Variants in INCENP observed in about 807,000 individuals in gnomAD.
The protein encoded by INCENP is inner centromere protein, also known as binds and activates aurora-B and -C in vivo and in vitro.
Under a neutral mutation model 107.3 loss-of-function variants are expected in INCENP, and 43 were observed. That is an observed-to-expected ratio of 0.40 (90% CI 0.31 to 0.52). The LOEUF is 0.52. Ranked by LOEUF, INCENP falls within the 20% of genes least tolerant of loss-of-function variation. The probability of loss-of-function intolerance (pLI) is 0.53; values close to 1 mark genes in which losing one functional copy is unlikely to be tolerated. For missense variants in INCENP, 1,089 were observed against 1,250.9 expected (o/e 0.87, Z 1.95); for synonymous variants, 488 against 494.4 (o/e 0.99, Z 0.17).
intron 4 of INCENP, among the ~76,000 whole-genome samples, chr11:62,132,663 A>G (rs1047571114): frequency 6.6e-6 from 1 of 152,206 alleles, no homozygotes; most frequent in African/African-American, 2.4e-5. Context: ...TGGAGCAGAC[A>G]TCCAGATCTG....
chr11:62,132,438 G>A (rs968658166), intron 4 of INCENP, among the ~76,000 whole-genome samples: 1 of 152,224 alleles, frequency 6.6e-6, no homozygotes, highest in Admixed American at 6.5e-5. Flanking sequence ...CCTGCTCCAG[G>A]GTTTGGGGTG....
chr11:62,129,703 A>G (rs2134616072), intron 3 of INCENP, 79 bp from the exon 4 acceptor site: 1 of 1,194,496 alleles, frequency 8.4e-7, no homozygotes, highest in Non-Finnish European at 1.2e-6. Context: ...TACTCTATCC[A>G]AGCTGGTGGC....
chr11:62,125,277 C>T (rs990108282), intron 1 of INCENP, among the ~76,000 whole-genome samples: 3 of 152,226 alleles, frequency 2.0e-5, no homozygotes, highest in South Asian at 2.1e-4. Flanking sequence ...AAGCAAACCT[C>T]CCCGTGAAAG....
intron 5 of INCENP, 46 bp from the exon 6 acceptor site, chr11:62,138,667 T>G (rs754745335): frequency 6.3e-7 from 1 of 1,584,670 alleles, no homozygotes; most frequent in South Asian, 1.1e-5. Context: ...GGGGGAGGGC[T>G]TGGACTAGCT....
chr11:62,145,276 A>G lies in INCENP; in HGVS notation c.1823A>G (p.Glu608Gly), dbSNP rs756014454. Residue 608 changes from glutamate to glycine, a missense_variant, in exon 13 of 19, where the codon GAG (glutamate) becomes GGG (glycine). Transcript: ENST00000394818. ...GAGCAGAAGTTTGCTCAGATCGACGAGAAGACTGAGAAGGTGGGAGCCTGG... is the reference window on the plus strand; with the variant it reads ...GAGCAGAAGTTTGCTCAGATCGACGGGAAGACTGAGAAGGTGGGAGCCTGG... Reference protein sequence around the residue: ...QIEQKFAQIDEKTEKAKEERL... With the variant: ...QIEQKFAQIDGKTEKAKEERL... 2 of 1,614,012 alleles carry G rather than the reference A, an allele frequency of 1.2e-6. No homozygotes were observed. The highest frequency in any genetic ancestry group is 1.7e-6 in the Non-Finnish European group (2 of 1,180,028).
Position 62,128,211 on chromosome 11 carries a change from A to G in INCENP, c.50A>G (p.Gln17Arg), listed in dbSNP as rs1349675346. The G allele has an allele frequency of 6.2e-7, 1 of 1,614,180 alleles. No individual in the cohort carries two copies. The highest frequency in any genetic ancestry group is 1.7e-5 in the Admixed American group (1 of 60,022). ...GPIHLLELCD[Q>R]KLMEFLCNMD... Reference sequence around the variant, plus strand: ...ATTCACCTGCTGGAGCTATGTGACCAGAAGCTCATGGAGTTTCTCTGCAAC... The same window carrying G: ...ATTCACCTGCTGGAGCTATGTGACCGGAAGCTCATGGAGTTTCTCTGCAAC... Residue 17 changes from glutamine (Q) to arginine (R), a missense_variant, in exon 2 of 19, where the codon CAG (glutamine) becomes CGG (arginine). Physicochemically the swap from Gln to Arg is conservative, Grantham distance 43. Coordinates refer to ENST00000394818, the MANE Select transcript of INCENP (RefSeq NM_001040694.2).
intron 4 of INCENP, among the ~76,000 whole-genome samples, chr11:62,133,065 G>C (rs1554977124): frequency 6.6e-6 from 1 of 152,106 alleles, no homozygotes; most frequent in South Asian, 2.1e-4. Flanking sequence ...GAGCTGCAAG[G>C]GTGTCAGGGA....
chr11:62,125,046 G>A (rs1334716128), intron 1 of INCENP, among the ~76,000 whole-genome samples: 1 of 152,242 alleles, frequency 6.6e-6, no homozygotes, highest in Non-Finnish European at 1.5e-5. Flanking sequence ...GGTGTATGGT[G>A]TGGAAGAAGT....
intron 4 of INCENP, among the ~76,000 whole-genome samples, chr11:62,133,452 G>C (rs896579915): frequency 2.6e-5 from 4 of 152,076 alleles, no homozygotes; most frequent in Non-Finnish European, 5.9e-5. Flanking sequence ...GGGGCCCATC[G>C]GGCAGCAGTT....
intron 1 of INCENP, among the ~76,000 whole-genome samples, chr11:62,126,830 A>G (rs1286762864): frequency 2.0e-5 from 3 of 152,264 alleles, no homozygotes; most frequent in East Asian, 3.9e-4. Flanking sequence ...AATATGATGT[A>G]AAAGCTATGC....
rs751768600 is a variant in INCENP, at chr11:62,151,887, A to G, written c.2668A>G (p.Lys890Glu). The stretch of plus-strand genomic sequence containing the variant: ...CAAGAAGAGCAAGCCCCGCTATCAC[A>G]AGCGCACCAGCTCTGCTGTCTGGAA... ...IFKKSKPRYH[K>E]RTSSAVWNSP... Residue 890 changes from lysine (K) to glutamate (E), a missense_variant, in exon 19 of 19, where the codon AAG (lysine) becomes GAG (glutamate). Lys to Glu is a moderately conservative substitution (Grantham distance 56, BLOSUM62 1). Transcript: ENST00000394818. The G allele has an allele frequency of 1.9e-6, 3 of 1,614,168 alleles. No individual in the cohort carries two copies. The highest frequency in any genetic ancestry group is 1.1e-5 in the South Asian group (1 of 91,092).
At chr11:62,136,709 C>G (rs1327104750) in intron 4 of INCENP, among the ~76,000 whole-genome samples, 1 of 152,022 alleles carries the variant, frequency 6.6e-6, no homozygotes, top group Admixed American at 6.6e-5. Flanking sequence ...GTACTTTTTA[C>G]ACCTTCATCA....
At chr11:62,128,324 G>A (rs1158800625) in intron 2 of INCENP, 23 bp downstream of exon 2, 1 of 1,613,712 alleles carries the variant, frequency 6.2e-7, no homozygotes, top group African/African-American at 1.3e-5. Context: ...ACAGTGAGAG[G>A]CTGGGAACAC....
rs771181833 is a variant in INCENP at position 62,128,216 on chromosome 11, C to G, written c.55C>G (p.Leu19Val). Residue 19 changes from leucine to valine, a missense_variant, in exon 2 of 19, where the codon CTC (leucine) becomes GTC (valine). Coordinates refer to ENST00000394818, the MANE Select transcript of INCENP (RefSeq NM_001040694.2). Reference sequence around the variant, plus strand: ...CCTGCTGGAGCTATGTGACCAGAAGCTCATGGAGTTTCTCTGCAACATGGA... The same window carrying G: ...CCTGCTGGAGCTATGTGACCAGAAGGTCATGGAGTTTCTCTGCAACATGGA... ...IHLLELCDQKLMEFLCNMDNK... is the reference protein window; with the variant it reads ...IHLLELCDQKVMEFLCNMDNK... 1.9e-6 allele frequency: 3 copies of G among 1,614,088 alleles called. No homozygotes were observed. In the African/African-American group the frequency reaches 4.0e-5, roughly 22 times the overall value.
intron 17 of INCENP, among the ~76,000 whole-genome samples, chr11:62,149,845 C>T (rs1050435842): frequency 7.9e-5 from 12 of 152,126 alleles, no homozygotes; most frequent in African/African-American, 2.4e-4. Flanking sequence ...TCTCTTGAAC[C>T]TGGGAGGCGG....
intron 14 of INCENP, 144 bp downstream of exon 14, chr11:62,145,895 A>C: frequency 9.7e-7 from 1 of 1,034,012 alleles, no homozygotes; most frequent in Non-Finnish European, 1.4e-6. Context: ...GTTTCCCAGA[A>C]GTCTCCAGGG....
intron 2 of INCENP, 92 bp from the exon 3 acceptor site, chr11:62,128,678 C>A: frequency 1.1e-6 from 1 of 911,580 alleles, no homozygotes; most frequent in South Asian, 1.4e-5. Flanking sequence ...TGACCTGTCG[C>A]TGCCAGGAAA....
Position 62,152,006 on chromosome 11 carries a change from G to C in INCENP, c.*30G>C. 6.6e-7 allele frequency: 1 copy of C among 1,510,764 alleles called. No individual in the cohort carries two copies. The highest frequency in any genetic ancestry group is 1.1e-5 in the South Asian group (1 of 88,448). The allele number at this position is 1,510,764 out of a possible 1,614,324, so 93.6% of individuals were successfully genotyped here. On this transcript the variant is annotated 3_prime_UTR_variant, in exon 19 of 19. Transcript: ENST00000394818. ...GGCCTGCGGCCTTCTTGGCAGCCTC[G>C]CCTCCTGTCCATGTCTATCTGTCTG...
intron 18 of INCENP, 73 bp downstream of exon 18, chr11:62,150,280 T>C: frequency 1.3e-6 from 2 of 1,520,962 alleles, no homozygotes; most frequent in South Asian, 2.3e-5. Flanking sequence ...CTGGAAGTAG[T>C]GGGTTGGCTG....
Sources: allele counts gnomAD v4.1 joint callset (sites outside exome capture counted in the v4.1 genomes callset), GRCh38; gene constraint gnomAD v4.1.1; transcripts MANE v1.5; gene names NCBI Gene and HGNC (gene_info 2026-07-23, HGNC 2026-07-21).